The following GRIA3 variants were observed in gnomAD, a reference collection of about 807,000 sequenced individuals.
GRIA3 encodes the protein glutamate ionotropic receptor AMPA type subunit 3.
Under a neutral mutation model 63.0 loss-of-function variants are expected in GRIA3, and 3 were observed. That is an observed-to-expected ratio of 0.05 (90% CI 0.02 to 0.12). The LOEUF (loss-of-function observed/expected upper bound fraction) is 0.12. Among genes scored for constraint, GRIA3 ranks in the 10% least tolerant of loss-of-function variants. The pLI is 1.00. For synonymous variants in GRIA3, 274 were observed against 257.9 expected (o/e 1.06, Z -0.60); for missense variants, 347 against 700.9 (o/e 0.50, Z 5.70).
intron 4 of GRIA3, among the ~76,000 whole-genome samples, chrX:123,333,195 G>A (rs1245543679): frequency 8.9e-6 from 1 of 112,014 alleles, no homozygotes; most frequent in Non-Finnish European, 1.9e-5. Flanking sequence ...CTGGATTTCA[G>A]AGGTCAATCT....
chrX:123,208,074 G>A (rs965928448), intron 2 of GRIA3, among the ~76,000 whole-genome samples: 4 of 112,305 alleles, frequency 3.6e-5, no homozygotes, highest in African/African-American at 1.3e-4. Context: ...TTAAATATAT[G>A]CATCCCAGGA....
chrX:123,471,446 A>G, intron 13 of GRIA3, among the ~76,000 whole-genome samples: 1 of 112,351 alleles, frequency 8.9e-6, no homozygotes, highest in Non-Finnish European at 1.9e-5. Context: ...TGTTATCCTG[A>G]TAACATGAAT....
At chrX:123,234,280 A>T (rs1408760599) in intron 2 of GRIA3, among the ~76,000 whole-genome samples, 1 of 111,396 alleles carries the variant, frequency 9.0e-6, no homozygotes, top group East Asian at 2.8e-4. Context: ...TTCCATCATT[A>T]TCTATGAATC....
chrX:123,483,459 A>T (rs1421587558), intron 15 of GRIA3, among the ~76,000 whole-genome samples: 1 of 112,536 alleles, frequency 8.9e-6, no homozygotes, highest in East Asian at 2.8e-4. Context: ...TCAATACAAA[A>T]AAAAGAATGA....
intron 11 of GRIA3, 96 bp from the exon 12 acceptor site, chrX:123,427,845 C>A: frequency 3.2e-6 from 2 of 629,534 alleles, no homozygotes; most frequent in Non-Finnish European, 5.4e-6. Flanking sequence ...ATCAGCTATA[C>A]TGAAACCACT....
chrX:123,387,280 C>A (rs1569428784), intron 5 of GRIA3, among the ~76,000 whole-genome samples: 1 of 110,773 alleles, frequency 9.0e-6, no homozygotes, highest in African/African-American at 3.3e-5. Flanking sequence ...GATTTCTGTA[C>A]GTTGATTTTA....
At chrX:123,260,980 A>C (rs1201490366) in intron 3 of GRIA3, among the ~76,000 whole-genome samples, 1 of 111,958 alleles carries the variant, frequency 8.9e-6, no homozygotes, top group Non-Finnish European at 1.9e-5. Flanking sequence ...GAAAATGAAA[A>C]TACCAGAGCT....
At position 123,482,810 on chromosome X, in the gene GRIA3, C is replaced by T. The variant is rs373381446; in HGVS notation, c.2451C>T (p.Ser817=). Residue 817 remains serine, a synonymous_variant, in exon 15 of 16, where the codon AGC becomes AGT. Transcript: ENST00000620443. ...TTCATTTCTCTTAGGACAAGACCAG[C>T]GCTCTGAGCCTGAGCAATGTGGCAG... The part of the protein sequence containing the change: ...AKDSGSKDKT[S]ALSLSNVAGV... 9 of 1,210,286 alleles carry T rather than the reference C, an allele frequency of 7.4e-6. No individual in the cohort carries two copies. The highest frequency in any genetic ancestry group is 1.8e-5 in the South Asian group (1 of 56,964).
At chrX:123,350,579 T>C (rs1406553431) in intron 4 of GRIA3, among the ~76,000 whole-genome samples, 1 of 112,352 alleles carries the variant, frequency 8.9e-6, no homozygotes, top group Non-Finnish European at 1.9e-5. Context: ...GCCTCTTACA[T>C]AGAAAACCAA....
intron 5 of GRIA3, among the ~76,000 whole-genome samples, chrX:123,386,342 A>G (rs1184730950): frequency 9.0e-6 from 1 of 111,250 alleles, no homozygotes. Context: ...AGTTCCTTGT[A>G]TATTCTGGAT....
chrX:123,402,659 C>T (rs1015189966), intron 7 of GRIA3, among the ~76,000 whole-genome samples: 6 of 111,155 alleles, frequency 5.4e-5, no homozygotes, highest in Non-Finnish European at 1.1e-4. Flanking sequence ...GTTTAGAATA[C>T]ATTACCCTAG....
At chrX:123,233,201 C>T (rs2044284547) in intron 2 of GRIA3, among the ~76,000 whole-genome samples, 1 of 111,480 alleles carries the variant, frequency 9.0e-6, no homozygotes, top group African/African-American at 3.3e-5. Context: ...ATCTGGGAAC[C>T]ACAGTGTGCT....
chrX:123,369,064 T>G (rs2045231127), intron 5 of GRIA3, among the ~76,000 whole-genome samples: 1 of 111,332 alleles, frequency 9.0e-6, no homozygotes, highest in Admixed American at 9.6e-5. Flanking sequence ...AAGGAGCCAC[T>G]AACTTTTAAT....
intron 6 of GRIA3, among the ~76,000 whole-genome samples, chrX:123,396,199 AAATAATAATAAT>A (rs10528905): frequency 2.3e-5 from 2 of 85,982 alleles, no homozygotes; most frequent in African/African-American, 8.6e-5. Context: ...CTCCATCTCA[AAATAATAATAAT>A]AATAATAATA....
intron 2 of GRIA3, among the ~76,000 whole-genome samples, chrX:123,189,491 C>A (rs1485966423): frequency 1.8e-5 from 2 of 112,067 alleles, no homozygotes; most frequent in Admixed American, 1.9e-4. Context: ...CTGCTGTGCA[C>A]TTGTAGTGCA....
Position 123,489,630 on chromosome X carries a change from C to CA in GRIA3, c.*921dup, listed in dbSNP as rs1229089002. 1 of 111,970 alleles carries CA rather than the reference C, an allele frequency of 8.9e-6. No individual in the cohort carries two copies. Among genetic ancestry groups the CA allele is most frequent in the Non-Finnish European group, 1.9e-5 (1 of 53,147 alleles). The allele number at this position is 111,970 out of a possible 1,213,427, so 9.2% of individuals were successfully genotyped here. On this transcript the variant is annotated 3_prime_UTR_variant, in exon 16 of 16. Transcript: ENST00000620443. ...TAAGTCAATAGAGCTGAGTATCTAG[C>CA]ATTGAGGTGAGGGAAATGCTGCCTA...
chrX:123,319,071 G>C (rs2044851333), intron 3 of GRIA3, among the ~76,000 whole-genome samples: 1 of 111,246 alleles, frequency 9.0e-6, no homozygotes, highest in South Asian at 3.8e-4. Flanking sequence ...ACTATCACAG[G>C]AATAGCACAT....
intron 11 of GRIA3, among the ~76,000 whole-genome samples, chrX:123,426,426 T>C (rs2045590010): frequency 8.9e-6 from 1 of 111,985 alleles, no homozygotes; most frequent in South Asian, 3.7e-4. Flanking sequence ...TGTCTGCACC[T>C]TGAGAGTTTT....
At chrX:123,420,035 G>A (rs955879383) in intron 11 of GRIA3, among the ~76,000 whole-genome samples, 1 of 111,697 alleles carries the variant, frequency 9.0e-6, no homozygotes, top group Non-Finnish European at 1.9e-5. Flanking sequence ...CAAATATGGC[G>A]GTGAATTCTT....
Sources: gnomAD v4.1 joint callset for allele counts (sites outside exome capture counted in the v4.1 genomes callset) on GRCh38, gnomAD v4.1.1 for gene constraint, MANE v1.5 for transcripts, NCBI Gene and HGNC (gene_info 2026-07-23, HGNC 2026-07-21) for gene names.